PGAP4: variants seen among roughly 807,000 people sequenced by gnomAD.
PGAP4 encodes post-GPI attachment to proteins GalNAc transferase 4, also known as GPI-N-acetylgalactosamine transferase PGAP4.
A neutral mutation model predicts 28.2 loss-of-function variants in PGAP4; 12 were observed. The ratio of observed to expected loss-of-function variants is 0.42; its 90% confidence interval spans 0.27 to 0.69. The LOEUF is 0.69. Among genes scored for constraint, PGAP4 ranks in the 30% least tolerant of loss-of-function variants. PGAP4 has a pLI of 0.22. For missense variants in PGAP4, 425 were observed against 513.5 expected, an observed-to-expected ratio of 0.83 and a Z score of 1.67; for synonymous variants, 205 against 211.8, an observed-to-expected ratio of 0.97 and a Z score of 0.28.
At chr9:101,479,148 G>A (rs1488583355) in intron 1 of PGAP4, among the ~76,000 whole-genome samples, 1 of 152,202 alleles carries the variant, frequency 6.6e-6, no homozygotes, top group Non-Finnish European at 1.5e-5. Context: ...CCAGCATATT[G>A]CAGACTGGTT....
chr9:101,476,615 T>C lies in PGAP4; in HGVS notation c.478A>G (p.Lys160Glu), dbSNP rs1295264010. The C allele has an allele frequency of 6.2e-7, 1 of 1,614,136 alleles. No homozygotes were observed. The highest frequency in any genetic ancestry group is 1.1e-5 in the South Asian group (1 of 91,082). ...VSHFDAKLLS[K>E]YVPVANRYEG... ...TAGCGATTGGCCACAGGGACATACT[T>C]GGAGAGCAACTTGGCATCAAAATGG... Residue 160 changes from lysine (K) to glutamate (E), a missense_variant, in exon 2 of 2, where the codon AAG (lysine) becomes GAG (glutamate). By Grantham distance (56) the Lys-to-Glu change is moderately conservative (BLOSUM62 1). Transcript: ENST00000374848. The surrounding 1 kb of genome is among the most constrained non-coding windows in gnomAD (Gnocchi z 7.0).
rs568948801 is a variant in PGAP4, at chr9:101,483,610, A to C, written c.-78+3339T>G. Among the ~76,000 whole-genome samples the C allele has an allele frequency of 1.4e-4, 21 of 152,212 alleles. No homozygotes were observed. In the Middle Eastern group the frequency reaches 0.01, roughly 74 times the overall value. The stretch of plus-strand genomic sequence containing the variant: ...GGTACCAGAATTAATATGTAAAAAT[A>C]ATATATAATATACATAGCAAGTATA... On this transcript the variant is annotated intron_variant, in intron 1 of 1. Transcript: ENST00000374848.
chr9:101,523,619 C>CATTTTTTTTTTTTTTTTT lies in PGAP4; in HGVS notation c.-165+7728_-165+7729insAAAAAAAAAAAAAAAAAT, dbSNP rs1245170432. 1.8e-3 allele frequency among the ~76,000 whole-genome samples: 108 copies of CATTTTTTTTTTTTTTTTT among 59,344 alleles called. 10 individuals are homozygous for CATTTTTTTTTTTTTTTTT. The highest frequency in any genetic ancestry group is 3.7e-3 in the Admixed American group (16 of 4,364). The allele number at this position is 59,344 out of a possible 152,430, so 38.9% of individuals were successfully genotyped here. ...ACATTTCTCCCCTCACTTCTTGTAT[C>CATTTTTTTTTTTTTTTTT]TTTTTTTTTTTTTTTTTTTTTTTTT... On this transcript the variant is annotated intron_variant, in intron 2 of 3. Transcript: ENST00000374851.
intron 2 of PGAP4, among the ~76,000 whole-genome samples, chr9:101,523,688 C>G (rs1300341529): frequency 8.3e-6 from 1 of 121,194 alleles, no homozygotes; most frequent in Non-Finnish European, 1.6e-5. Flanking sequence ...TTTCTCTGGT[C>G]CCTCCCTGAT....
chr9:101,530,509 CT>C (rs955078530), intron 2 of PGAP4, among the ~76,000 whole-genome samples: 1 of 152,160 alleles, frequency 6.6e-6, no homozygotes, highest in African/African-American at 2.4e-5. Flanking sequence ...ATTAAGTATT[CT>C]TTTTATCATT....
intron 2 of PGAP4, among the ~76,000 whole-genome samples, chr9:101,525,026 T>G (rs1337659136): frequency 2.0e-5 from 3 of 152,222 alleles, no homozygotes; most frequent in Admixed American, 6.5e-5. Context: ...TCATGAGCAC[T>G]TGGGTTGATT....
chr9:101,509,305 C>T (rs927352981), intron 2 of PGAP4, among the ~76,000 whole-genome samples: 1 of 152,162 alleles, frequency 6.6e-6, no homozygotes, highest in Non-Finnish European at 1.5e-5. Context: ...TAGTGGCCCC[C>T]ATAATTTTAG....
intron 1 of PGAP4, among the ~76,000 whole-genome samples, chr9:101,482,595 A>G (rs925131520): frequency 2.6e-5 from 4 of 152,218 alleles, no homozygotes; most frequent in African/African-American, 9.6e-5. Context: ...TGATTCCCCC[A>G]TGACTGTAGA....
intron 2 of PGAP4, chr9:101,501,623 T>C (rs1648033546): frequency 4.2e-6 from 2 of 479,752 alleles, no homozygotes; most frequent in Admixed American, 4.3e-5. Flanking sequence ...CTAAAGCAGC[T>C]TTATAGTGAA....
intron 2 of PGAP4, among the ~76,000 whole-genome samples, chr9:101,505,468 G>A (rs1458620910): frequency 1.3e-5 from 2 of 151,958 alleles, no homozygotes; most frequent in African/African-American, 2.4e-5. Context: ...CACCAAGGAC[G>A]GTATGATTGA....
At chr9:101,496,804 T>C (rs546106709) in intron 2 of PGAP4, among the ~76,000 whole-genome samples, 3 of 151,018 alleles carry the variant, frequency 2.0e-5, no homozygotes, top group African/African-American at 7.2e-5. Flanking sequence ...AATACATTTT[T>C]ATAGCATGTT....
At chr9:101,529,096 T>C (rs943115569) in intron 2 of PGAP4, among the ~76,000 whole-genome samples, 2 of 151,974 alleles carry the variant, frequency 1.3e-5, no homozygotes, top group East Asian at 3.9e-4. Context: ...GCTGCATCCA[T>C]GTCCCTGCAA....
At chr9:101,483,457 T>C (rs961118298) in intron 1 of PGAP4, among the ~76,000 whole-genome samples, 1 of 152,168 alleles carries the variant, frequency 6.6e-6, no homozygotes, top group Non-Finnish European at 1.5e-5. Flanking sequence ...TGGCAAAACT[T>C]GAACCCAGGC....
chr9:101,523,345 A>T (rs1476276584), intron 2 of PGAP4, among the ~76,000 whole-genome samples: 3 of 152,052 alleles, frequency 2.0e-5, no homozygotes, highest in Non-Finnish European at 4.4e-5. Context: ...CTGATTATTC[A>T]TTCTTAGTTT....
intron 2 of PGAP4, among the ~76,000 whole-genome samples, chr9:101,496,309 A>C (rs1826747382): frequency 6.6e-6 from 1 of 151,482 alleles, no homozygotes; most frequent in Non-Finnish European, 1.5e-5. Context: ...AAGGGGAGAA[A>C]GAACAGAAGG....
chr9:101,502,638 C>A (rs541656192), intron 2 of PGAP4, among the ~76,000 whole-genome samples: 1 of 152,116 alleles, frequency 6.6e-6, no homozygotes, highest in South Asian at 2.1e-4. Flanking sequence ...ACATTGTGTG[C>A]CTTTACATTT....
upstream of PGAP4, among the ~76,000 whole-genome samples, chr9:101,491,812 G>GATATATATATATATATAT (rs58209077): frequency 9.4e-6 from 1 of 106,266 alleles, no homozygotes; most frequent in Non-Finnish European, 1.8e-5. Context: ...AATCTTAAAG[G>GATATATATATATATATAT]ATATATATAT....
At position 101,475,739 on chromosome 9, in the gene PGAP4, T is replaced by C; in HGVS notation, c.*142A>G. ...ACCAAAGCCAAGGCTCTTAACATATTGAGGTTCCTCAGCTGCCCCAGTGCC... is the reference window on the plus strand; with the variant it reads ...ACCAAAGCCAAGGCTCTTAACATATCGAGGTTCCTCAGCTGCCCCAGTGCC... On this transcript the variant is annotated 3_prime_UTR_variant, in exon 2 of 2. Transcript: ENST00000374848. 1 of 912,574 alleles carries C rather than the reference T, an allele frequency of 1.1e-6. No homozygotes were observed. The highest frequency in any genetic ancestry group is 1.7e-6 in the Non-Finnish European group (1 of 603,028). 56.5% of individuals were successfully genotyped at this position (912,574 alleles called of 1,614,324 possible). A position where few individuals can be genotyped will look rare whatever the true frequency, so the allele number is the denominator to read the frequency against.
At chr9:101,481,234 G>C (rs1233247586) in intron 1 of PGAP4, 1 of 152,166 alleles carries the variant, frequency 6.6e-6, no homozygotes, top group Non-Finnish European at 1.5e-5. Flanking sequence ...TGGCCTTAGG[G>C]GAACAGATAT....
Sources: allele counts gnomAD v4.1 joint callset (sites outside exome capture counted in the v4.1 genomes callset), GRCh38; gene constraint gnomAD v4.1.1; non-coding constraint Gnocchi (gnomAD v3.1); transcripts MANE v1.5; gene names NCBI Gene and HGNC (gene_info 2026-07-23, HGNC 2026-07-21).